MOV10L1: variants seen among roughly 807,000 people sequenced by gnomAD.
MOV10L1 encodes RNA helicase Mov10l1.
A neutral mutation model predicts 143.8 loss-of-function variants in MOV10L1; 110 were observed. That is an observed-to-expected ratio of 0.76 (90% CI 0.66 to 0.90). The LOEUF is 0.90. Ranked by LOEUF, MOV10L1 falls within the 40% of genes least tolerant of loss-of-function variation. The probability of loss-of-function intolerance (pLI) is 0.00; values close to 1 mark genes in which losing one functional copy is unlikely to be tolerated. For synonymous variants in MOV10L1, 593 were observed against 581.1 expected, an observed-to-expected ratio of 1.02 and a Z score of -0.29; for missense variants, 1,406 against 1,526.8, an observed-to-expected ratio of 0.92 and a Z score of 1.32.
chr22:50,147,148 A>G (rs1437519422), intron 19 of MOV10L1: 1 of 1,590,264 alleles, frequency 6.3e-7, no homozygotes, highest in East Asian at 2.3e-5. Flanking sequence ...GCTGATGTTC[A>G]GGTAGTGGGA....
At chr22:50,117,465 A>G in intron 9 of MOV10L1, 114 bp downstream of exon 9, 4 of 1,094,944 alleles carry the variant, frequency 3.7e-6, no homozygotes, top group Non-Finnish European at 5.1e-6. Context: ...TATAAAGGGG[A>G]TGAAGCTGGG....
intron 8 of MOV10L1, 143 bp from the exon 9 acceptor site, chr22:50,117,012 ATC>A (rs2062197828): frequency 2.6e-6 from 2 of 770,052 alleles, no homozygotes; most frequent in Admixed American, 3.0e-5. Context: ...ATTTTAGAAG[ATC>A]TCTTTTTTCT....
intron 13 of MOV10L1, among the ~76,000 whole-genome samples, chr22:50,132,383 G>GT (rs2062702425): frequency 6.6e-6 from 1 of 152,160 alleles, no homozygotes; most frequent in Non-Finnish European, 1.5e-5. Context: ...CTATGGGTCG[G>GT]TTTAAGGGAG....
chr22:50,115,142 A>C lies in MOV10L1; in HGVS notation c.1155A>C (p.Gly385=). ...ATTGTACCTGTAAAGGAGAAAATGG[A>C]GAAAAAGACAACATTCTATCAAGGA... ...PGDCTCKGEN[G]EKDNILSRKQ... The change falls in exon 8 of 27, where the codon GGA becomes GGC. Residue 385 remains glycine (G), a synonymous_variant. Coordinates refer to ENST00000262794, the MANE Select transcript of MOV10L1 (RefSeq NM_018995.3). The C allele has an allele frequency of 6.4e-7, 1 of 1,571,454 alleles. No homozygotes were observed. Among genetic ancestry groups the C allele is most frequent in the Non-Finnish European group, 8.6e-7 (1 of 1,166,866 alleles).
chr22:50,103,436 G>A lies in MOV10L1; in HGVS notation c.442+3834G>A, dbSNP rs549443264. Reference sequence around the variant, plus strand: ...TGAAGCACAGTTTCTCATCCTCAGCGCTCCAACATCTAGGCTGAAGCACTC... The same window carrying A: ...TGAAGCACAGTTTCTCATCCTCAGCACTCCAACATCTAGGCTGAAGCACTC... On this transcript the variant is annotated intron_variant, in intron 3 of 26. Transcript: ENST00000262794. Among the ~76,000 whole-genome samples, 10 of 152,250 alleles carry A rather than the reference G, an allele frequency of 6.6e-5. No homozygotes were observed. The South Asian group carries it at 1.5e-3, about 22-fold the overall frequency.
At chr22:50,146,175 T>C (rs2063147944) in intron 19 of MOV10L1, among the ~76,000 whole-genome samples, 1 of 137,540 alleles carries the variant, frequency 7.3e-6, no homozygotes, top group African/African-American at 2.6e-5. Context: ...GAGGGGCCTT[T>C]GGACGACCTC....
At chr22:50,106,953 G>A (rs568276710) in intron 3 of MOV10L1, among the ~76,000 whole-genome samples, 70 of 151,470 alleles carry the variant, frequency 4.6e-4, no homozygotes, top group Non-Finnish European at 9.9e-4. Context: ...CACCCGCCTC[G>A]GCCTCCCAAA....
In MOV10L1 at chr22:50,152,247, C is replaced by G. The variant is rs189240495; in HGVS notation, c.2893-798C>G. Reference sequence around the variant, plus strand: ...TCCCCAGCAGTGTCTCCCCGAGGGACAGTCAGTGACAGGAGGGCAGAGGGT... The same window carrying G: ...TCCCCAGCAGTGTCTCCCCGAGGGAGAGTCAGTGACAGGAGGGCAGAGGGT... On this transcript the variant is annotated intron_variant, in intron 21 of 26. Transcript: ENST00000262794. This position sits in a 1 kb window ranked among gnomAD's most constrained non-coding sequence, Gnocchi z 4.4. 1.3e-5 allele frequency among the ~76,000 whole-genome samples: 2 copies of G among 152,340 alleles called. No individual in the cohort carries two copies. The highest frequency in any genetic ancestry group is 1.3e-4 in the Admixed American group (2 of 15,312).
At chr22:50,157,761 C>CAAAAAAAA (rs35212822) in intron 22 of MOV10L1, among the ~76,000 whole-genome samples, 1 of 120,322 alleles carries the variant, frequency 8.3e-6, no homozygotes, top group Non-Finnish European at 1.7e-5. Flanking sequence ...GGTCTAATAT[C>CAAAAAAAA]AAAAAAAAAA....
chr22:50,143,123 A>G lies in MOV10L1; in HGVS notation c.2260A>G (p.Lys754Glu). 6.2e-7 allele frequency: 1 copy of G among 1,614,198 alleles called. No individual in the cohort carries two copies. Among genetic ancestry groups the G allele is most frequent in the Non-Finnish European group, 8.5e-7 (1 of 1,179,992 alleles). The stretch of plus-strand genomic sequence containing the variant: ...AAATGAAAATCAGAAGTTAGCAGTT[A>G]AAAGGATTCTGAGTGGTGACTGCCG... ...VLNENQKLAV[K>E]RILSGDCRPL... is the part of the protein sequence containing the mutation. Residue 754 changes from lysine to glutamate, a missense_variant, in exon 17 of 27, where the codon AAA becomes GAA. Lys to Glu is a moderately conservative substitution (Grantham distance 56). This residue lies in a region of MOV10L1 where 1,233 missense variants were observed against 1,351.4 expected (regional missense o/e 0.91). Coordinates refer to ENST00000262794, the MANE Select transcript of MOV10L1 (RefSeq NM_018995.3).
At chr22:50,113,987 C>T (rs1389140421) in intron 6 of MOV10L1, among the ~76,000 whole-genome samples, 199 bp downstream of exon 6, 1 of 144,026 alleles carries the variant, frequency 6.9e-6, no homozygotes, top group Non-Finnish European at 1.5e-5. Flanking sequence ...GGCGCGATCT[C>T]AGCTCACTGC....
chr22:50,131,108 CTG>C (rs1179882755), intron 13 of MOV10L1, among the ~76,000 whole-genome samples: 3 of 146,270 alleles, frequency 2.1e-5, no homozygotes, highest in Non-Finnish European at 4.5e-5. Flanking sequence ...CGGGGTTTCA[CTG>C]TGTTAGCCAG....
intron 13 of MOV10L1, among the ~76,000 whole-genome samples, chr22:50,129,034 C>T (rs145234605): frequency 1.3e-5 from 2 of 152,216 alleles, no homozygotes; most frequent in Non-Finnish European, 2.9e-5. Context: ...TAAGTAGTGA[C>T]GTAGGAGCCC....
intron 3 of MOV10L1, among the ~76,000 whole-genome samples, chr22:50,107,482 T>A (rs2147099723): frequency 6.6e-6 from 1 of 152,258 alleles, no homozygotes; most frequent in African/African-American, 2.4e-5. Context: ...CAGTATTCAA[T>A]TATACACTTT....
At chr22:50,137,668 G>A (rs1290662308) in intron 15 of MOV10L1, among the ~76,000 whole-genome samples, 1 of 151,356 alleles carries the variant, frequency 6.6e-6, no homozygotes, top group Admixed American at 6.6e-5. Context: ...TCATGCCACT[G>A]CGCTCCAGCC....
At chr22:50,140,311 A>T (rs541166931) in intron 15 of MOV10L1, among the ~76,000 whole-genome samples, 1 of 152,356 alleles carries the variant, frequency 6.6e-6, no homozygotes, top group Admixed American at 6.5e-5. Flanking sequence ...TCTATTTGTC[A>T]TCTTGATTGT....
intron 2 of MOV10L1, among the ~76,000 whole-genome samples, chr22:50,097,318 A>G (rs1418036835): frequency 6.6e-6 from 1 of 152,140 alleles, no homozygotes; most frequent in Admixed American, 6.6e-5. Flanking sequence ...TATGTTGCCC[A>G]GGCTGGTCTC....
At chr22:50,103,018 G>A (rs2061784487) in intron 3 of MOV10L1, among the ~76,000 whole-genome samples, 1 of 152,234 alleles carries the variant, frequency 6.6e-6, no homozygotes, top group Admixed American at 6.5e-5. Flanking sequence ...TTGAGGCTAG[G>A]GCAGAGCTGA....
intron 16 of MOV10L1, among the ~76,000 whole-genome samples, chr22:50,142,440 T>C (rs1602310408): frequency 1.3e-5 from 2 of 152,274 alleles, no homozygotes; most frequent in African/African-American, 2.4e-5. Flanking sequence ...ATCCAGTCTC[T>C]AATATTTGAG....
Sources: allele counts gnomAD v4.1 joint callset (sites outside exome capture counted in the v4.1 genomes callset), GRCh38; gene constraint gnomAD v4.1.1; regional missense constraint gnomAD v4.1.1; non-coding constraint Gnocchi (gnomAD v3.1); transcripts MANE v1.5; gene names NCBI Gene and HGNC (gene_info 2026-07-23, HGNC 2026-07-21).